The following HNRNPUL1 variants were observed in gnomAD, a reference collection of about 807,000 sequenced individuals.
HNRNPUL1 encodes heterogeneous nuclear ribonucleoprotein U like 1.
HNRNPUL1 carries 14 observed loss-of-function variants against 108.5 expected under a neutral mutation model. The ratio of observed to expected loss-of-function variants is 0.13; its 90% CI spans 0.09 to 0.20. The LOEUF is 0.20. HNRNPUL1 is among the 10% of genes least tolerant of loss of function. The pLI is 1.00. For synonymous variants in HNRNPUL1, 422 were observed against 445.2 expected, an observed-to-expected ratio of 0.95 and a Z score of 0.66; for missense variants, 804 against 1,168.3, an observed-to-expected ratio of 0.69 and a Z score of 4.55.
At position 41,284,376 on chromosome 19, in the gene HNRNPUL1, C is replaced by A. The variant is rs567588002; in HGVS notation, c.999+3101C>A. On this transcript the variant is annotated intron_variant, in intron 7 of 14. Transcript: ENST00000392006. ...CCCTGCACTTTTTATCATATATTGACAATGCAAGGCCGGACACTGTGACTC... is the reference window on the plus strand; with the variant it reads ...CCCTGCACTTTTTATCATATATTGAAAATGCAAGGCCGGACACTGTGACTC... Among the ~76,000 whole-genome samples the A allele has an allele frequency of 4.2e-4, 64 of 152,288 alleles. 2 individuals carry two copies. In the South Asian group the frequency reaches 9.7e-3, roughly 23 times the overall value.
chr19:41,272,728 A>G (rs533026764), intron 3 of HNRNPUL1, among the ~76,000 whole-genome samples: 10 of 152,278 alleles, frequency 6.6e-5, no homozygotes, highest in Admixed American at 5.2e-4. Context: ...ACTCAGACAC[A>G]TACACTAGTA....
rs1446032809 is a variant in HNRNPUL1 at position 41,281,232 on chromosome 19, A to T, written c.956A>T (p.Tyr319Phe). The change falls in exon 7 of 15, where the codon TAC becomes TTC. Residue 319 changes from tyrosine (Y) to phenylalanine (F), a missense_variant. By Grantham distance (22) the Tyr-to-Phe change is conservative. Around this residue, in one of 4 missense-constraint regions of HNRNPUL1, gnomAD observed 174 missense variants for 296.6 expected, o/e 0.59. Coordinates refer to ENST00000392006, the MANE Select transcript of HNRNPUL1 (RefSeq NM_007040.6). ...KKSTNSRFEN[Y>F]GDKFAENDVI... The stretch of plus-strand genomic sequence containing the variant: ...TCCACCAATAGCCGGTTTGAAAACT[A>T]CGGAGACAAGTTTGCAGAGAACGAT... 1.9e-6 allele frequency: 3 copies of T among 1,614,070 alleles called. No homozygotes were observed. In the Admixed American group the frequency reaches 5.0e-5, roughly 27 times the overall value.
Position 41,294,806 on chromosome 19 carries a change from C to A in HNRNPUL1, c.1518+120C>A. 8.2e-7 allele frequency: 1 copy of A among 1,220,268 alleles called. No homozygotes were observed. The highest frequency in any genetic ancestry group is 1.2e-6 in the Non-Finnish European group (1 of 857,168). The allele number at this position is 1,220,268 out of a possible 1,614,324, so 75.6% of individuals were successfully genotyped here. A position where few individuals can be genotyped will look rare whatever the true frequency, so the allele number is the denominator to read the frequency against. On this transcript the variant is annotated intron_variant, in intron 10 of 14. Coordinates refer to ENST00000392006, the MANE Select transcript of HNRNPUL1 (RefSeq NM_007040.6). The surrounding 1 kb of genome is among the most constrained non-coding windows in gnomAD (Gnocchi z 4.3). ...AATGATGATGGACTGCTGTGCTAGT[C>A]GGGGGGGTCAGACCTTGTCATACAT...
rs1416154557 is a variant in HNRNPUL1 at position 41,264,402 on chromosome 19, C to T, written c.-102C>T. On this transcript the variant is annotated 5_prime_UTR_variant, in exon 1 of 15. Coordinates refer to ENST00000392006, the MANE Select transcript of HNRNPUL1 (RefSeq NM_007040.6). The stretch of plus-strand genomic sequence containing the variant: ...GAGCCGCTGCCGCCATTGGAGTGGG[C>T]CCCCCCCCTTTCCCCCTTCGCCTCC... 6.9e-6 allele frequency: 6 copies of T among 870,464 alleles called. No individual in the cohort carries two copies. The highest frequency in any genetic ancestry group is 1.8e-5 in the African/African-American group (1 of 55,656). 53.9% of individuals were successfully genotyped at this position (870,464 alleles called of 1,614,324 possible).
At chr19:41,287,085 G>A (rs1339979410) in intron 7 of HNRNPUL1, among the ~76,000 whole-genome samples, 1 of 151,510 alleles carries the variant, frequency 6.6e-6, no homozygotes, top group Non-Finnish European at 1.5e-5. Flanking sequence ...GCGTGATCTC[G>A]GCTCACTGCA....
Position 41,279,094 on chromosome 19 carries a change from C to T in HNRNPUL1, c.804C>T (p.Ser268=), listed in dbSNP as rs758565657. The change falls in exon 6 of 15, where the codon TCC becomes TCT. Residue 268 remains serine, a synonymous_variant. Coordinates refer to ENST00000392006, the MANE Select transcript of HNRNPUL1 (RefSeq NM_007040.6). Reference sequence around the variant, plus strand: ...TTCCTCAGATCAATGAGGAAATCTCCGTGAAGCACCTTCCGTCTACAGAGC... The same window carrying T: ...TTCCTCAGATCAATGAGGAAATCTCTGTGAAGCACCTTCCGTCTACAGAGC... ...CFEMKINEEI[S]VKHLPSTEPD... 2.4e-5 allele frequency: 38 copies of T among 1,613,782 alleles called. No individual in the cohort carries two copies. The highest frequency in any genetic ancestry group is 3.3e-5 in the Admixed American group (2 of 59,994).
intron 2 of HNRNPUL1, 137 bp downstream of exon 2, chr19:41,268,482 G>A: frequency 5.6e-6 from 5 of 894,602 alleles, no homozygotes; most frequent in East Asian, 2.8e-5. Flanking sequence ...TTGTCACTCT[G>A]GCAAGAATTG....
chr19:41,273,515 T>C (rs2035367121), intron 3 of HNRNPUL1, among the ~76,000 whole-genome samples: 1 of 152,238 alleles, frequency 6.6e-6, no homozygotes, highest in Non-Finnish European at 1.5e-5. Flanking sequence ...CATCTCAAAT[T>C]CTTACAGATG....
At chr19:41,301,816 C>A in intron 11 of HNRNPUL1, 112 bp downstream of exon 11, 2 of 979,916 alleles carry the variant, frequency 2.0e-6, no homozygotes, top group Non-Finnish European at 1.5e-6. Flanking sequence ...TTTGATCTTA[C>A]TCTTTCTTTG....
intron 10 of HNRNPUL1, among the ~76,000 whole-genome samples, chr19:41,298,200 C>T (rs2036997784): frequency 6.6e-6 from 1 of 152,144 alleles, no homozygotes; most frequent in Admixed American, 6.5e-5. Context: ...TGTGTTCCCT[C>T]CTCCCTCCCT....
Position 41,294,554 on chromosome 19 carries a change from G to A in HNRNPUL1, c.1390-4G>A, listed in dbSNP as rs779006278. On this transcript the variant is annotated splice_polypyrimidine_tract_variant and splice_region_variant and intron_variant, in intron 9 of 14. Coordinates refer to ENST00000392006, the MANE Select transcript of HNRNPUL1 (RefSeq NM_007040.6). This position sits in a 1 kb window ranked among gnomAD's most constrained non-coding sequence, Gnocchi z 4.3. ...ACTCACCCCTCACCAATTCCTGCCC[G>A]CAGGTGATGGGCCTACGCCGGCAGC... 41 of 1,613,894 alleles carry A rather than the reference G, an allele frequency of 2.5e-5. No homozygotes were observed. In the Admixed American group the frequency reaches 3.7e-4, roughly 14 times the overall value.
chr19:41,273,640 A>G (rs1187993072), intron 3 of HNRNPUL1, among the ~76,000 whole-genome samples: 6 of 152,310 alleles, frequency 3.9e-5, no homozygotes, highest in South Asian at 2.1e-4. Flanking sequence ...GCCTCCAAAC[A>G]GTAACAGAGA....
rs572355182 is a variant in HNRNPUL1, at chr19:41,305,502, CCATGG to C, written c.2263-168_2263-164del. 87 of 777,368 alleles carry C rather than the reference CCATGG, an allele frequency of 1.1e-4. No homozygotes were observed. The African/African-American group carries it at 1.4e-3, about 12-fold the overall frequency. The allele number at this position is 777,368 out of a possible 1,614,324, so 48.2% of individuals were successfully genotyped here. A position where few individuals can be genotyped will look rare whatever the true frequency, so the allele number is the denominator to read the frequency against. On this transcript the variant is annotated intron_variant, in intron 13 of 14. Coordinates refer to ENST00000392006, the MANE Select transcript of HNRNPUL1 (RefSeq NM_007040.6). ...GGGGCTTGCCCTTCATCCTGCCCTA[CCATGG>C]CATGGAGCTGGCTCTCCTCCTTCTC...
chr19:41,293,688 G>A (rs376739071), intron 8 of HNRNPUL1, among the ~76,000 whole-genome samples: 65 of 152,270 alleles, frequency 4.3e-4, no homozygotes, highest in African/African-American at 1.5e-3. Context: ...CAGGGGGCGG[G>A]GAATGGGTCA....
intron 10 of HNRNPUL1, among the ~76,000 whole-genome samples, chr19:41,300,828 G>A (rs930750502): frequency 4.6e-5 from 7 of 152,238 alleles, no homozygotes; most frequent in Non-Finnish European, 8.8e-5. Flanking sequence ...CTCCTGATGT[G>A]TAGAGCTTGC....
Position 41,268,297 on chromosome 19 carries a change from T to C in HNRNPUL1, c.370T>C (p.Tyr124His). ...QVIKQENESG[Y>H]ERRPLEMEQQ... Reference sequence around the variant, plus strand: ...CATCAAACAAGAAAACGAGTCAGGCTACGAGAGGAGACCACTGGAAATGGA... The same window carrying C: ...CATCAAACAAGAAAACGAGTCAGGCCACGAGAGGAGACCACTGGAAATGGA... The change falls in exon 2 of 15, where the codon TAC becomes CAC. Residue 124 changes from tyrosine to histidine, a missense_variant. By Grantham distance (83) the Tyr-to-His change is moderately conservative. Transcript: ENST00000392006. 6.2e-7 allele frequency: 1 copy of C among 1,614,080 alleles called. No individual in the cohort carries two copies. The highest frequency in any genetic ancestry group is 8.5e-7 in the Non-Finnish European group (1 of 1,179,974).
Position 41,285,194 on chromosome 19 carries a change from A to G in HNRNPUL1, c.999+3919A>G, listed in dbSNP as rs536120953. Reference sequence around the variant, plus strand: ...ACAGGAAAGGCAGCTTCTGCCAACGAAGAGGCAACAAACAAGTTCCCAGGC... The same window carrying G: ...ACAGGAAAGGCAGCTTCTGCCAACGGAGAGGCAACAAACAAGTTCCCAGGC... On this transcript the variant is annotated intron_variant, in intron 7 of 14. Coordinates refer to ENST00000392006, the MANE Select transcript of HNRNPUL1 (RefSeq NM_007040.6). Among the ~76,000 whole-genome samples the G allele has an allele frequency of 5.9e-5, 9 of 152,320 alleles. No individual in the cohort carries two copies. The South Asian group carries it at 1.9e-3, about 32-fold the overall frequency.
At chr19:41,264,893 C>T (rs985031971) in intron 1 of HNRNPUL1, 95 bp downstream of exon 1, 1 of 1,339,360 alleles carries the variant, frequency 7.5e-7, no homozygotes, top group Non-Finnish European at 9.5e-7. Flanking sequence ...GTCGGGGAGA[C>T]GACCTGAGGA....
At position 41,281,179 on chromosome 19, in the gene HNRNPUL1, C is replaced by G. The variant is rs769649013; in HGVS notation, c.903C>G (p.Ser301=). 7 of 1,613,836 alleles carry G rather than the reference C, an allele frequency of 4.3e-6. No individual in the cohort carries two copies. In the South Asian group the frequency reaches 6.6e-5, roughly 15 times the overall value. The change falls in exon 7 of 15, where the codon TCC becomes TCG. Residue 301 remains serine, a synonymous_variant. Coordinates refer to ENST00000392006, the MANE Select transcript of HNRNPUL1 (RefSeq NM_007040.6). ...CSTQLGEEPF[S]YGYGGTGKKS... ...TTCCGTCAGGCGAAGAGCCTTTCTC[C>G]TATGGCTATGGAGGCACTGGGAAGA...
Sources: gnomAD v4.1 joint callset for allele counts (sites outside exome capture counted in the v4.1 genomes callset) on GRCh38, gnomAD v4.1.1 for gene constraint, gnomAD v4.1.1 regional missense constraint, Gnocchi (gnomAD v3.1) non-coding constraint, MANE v1.5 for transcripts, NCBI Gene and HGNC (gene_info 2026-07-23, HGNC 2026-07-21) for gene names.